Variants in PFKL observed in about 807,000 individuals in gnomAD.
PFKL encodes the protein ATP-dependent 6-phosphofructokinase, liver type.
In PFKL, 74 loss-of-function variants were observed where a neutral mutation model predicts 92.1. That is an observed-to-expected ratio of 0.80 (90% CI 0.67 to 0.97). The LOEUF (loss-of-function observed/expected upper bound fraction) is 0.97, where lower values mean the gene tolerates loss of function less well. Ranked by LOEUF, PFKL falls within the 50% of genes least tolerant of loss-of-function variation. PFKL has a pLI of 0.00. For synonymous variants in PFKL, 494 were observed against 456.4 expected, an observed-to-expected ratio of 1.08 and a Z score of -1.05; for missense variants, 1,028 against 1,116.6, an observed-to-expected ratio of 0.92 and a Z score of 1.13.
chr21:44,323,728 G>A (rs779721158), intron 15 of PFKL, 38 bp from the exon 16 acceptor site: 40 of 1,584,520 alleles, frequency 2.5e-5, no homozygotes, highest in African/African-American at 1.1e-4. Context: ...CCCTGGCCTC[G>A]GTGCTGCCCT....
chr21:44,323,879 C>T lies in PFKL; in HGVS notation c.1611C>T (p.Phe537=), dbSNP rs373085878. The part of the protein sequence containing the change: ...TISNNVPGTD[F]SLGSDTAVNA... ...GCAACAACGTCCCTGGCACCGACTT[C>T]AGCCTGGGCTCCGACACTGCTGTAA... The change falls in exon 16 of 22, where the codon TTC becomes TTT. Residue 537 remains phenylalanine (F), a synonymous_variant. Coordinates refer to ENST00000349048, the MANE Select transcript of PFKL (RefSeq NM_002626.6). 15 of 1,613,446 alleles carry T rather than the reference C, an allele frequency of 9.3e-6. No homozygotes were observed. The highest frequency in any genetic ancestry group is 3.3e-5 in the Admixed American group (2 of 60,006).
At chr21:44,316,218 T>C in intron 7 of PFKL, 26 bp from the exon 8 acceptor site, 1 of 1,608,486 alleles carries the variant, frequency 6.2e-7, no homozygotes, top group Non-Finnish European at 8.5e-7. Flanking sequence ...GCCTGGCAGC[T>C]GAGCCCTGTC....
Position 44,312,986 on chromosome 21 carries a change from T to C in PFKL, c.436T>C (p.Ser146Pro), listed in dbSNP as rs2047091345. ...TGCTGCTCCTGGCCCAGGTAAGATC[T>C]CAGAGACTACAGCCCGGACCTACTC... ...LEELVAEGKISETTARTYSHL... is the reference protein window; with the variant it reads ...LEELVAEGKIPETTARTYSHL... Residue 146 changes from serine to proline, a missense_variant, in exon 5 of 22, where the codon TCA (serine) becomes CCA (proline). Coordinates refer to ENST00000349048, the MANE Select transcript of PFKL (RefSeq NM_002626.6). The C allele has an allele frequency of 7.4e-6, 12 of 1,612,756 alleles. No homozygotes were observed. The highest frequency in any genetic ancestry group is 9.3e-6 in the Non-Finnish European group (11 of 1,179,788).
intron 1 of PFKL, among the ~76,000 whole-genome samples, chr21:44,301,525 C>T (rs1049550026): frequency 1.3e-5 from 2 of 152,160 alleles, no homozygotes; most frequent in African/African-American, 4.8e-5. Flanking sequence ...TGAAGCAGGC[C>T]GGGTGCGGTG....
At position 44,300,069 on chromosome 21, in the gene PFKL, C is replaced by A; in HGVS notation, c.-37C>A. On this transcript the variant is annotated 5_prime_UTR_variant, in exon 1 of 22. Transcript: ENST00000349048. Reference sequence around the variant, plus strand: ...GGGGACGGCGACGCGGCGCAGGCGGCGGGAGTGCGAGCTGGGCCCGTGTTT... The same window carrying A: ...GGGGACGGCGACGCGGCGCAGGCGGAGGGAGTGCGAGCTGGGCCCGTGTTT... 1 of 994,722 alleles carries A rather than the reference C, an allele frequency of 1.0e-6. No homozygotes were observed. Among genetic ancestry groups the A allele is most frequent in the Non-Finnish European group, 1.2e-6 (1 of 824,308 alleles). 61.6% of individuals were successfully genotyped at this position (994,722 alleles called of 1,614,324 possible).
chr21:44,319,588 G>A, intron 11 of PFKL, 173 bp downstream of exon 11: 1 of 633,616 alleles, frequency 1.6e-6, no homozygotes, highest in South Asian at 1.8e-5. Context: ...GCTGGGAGGT[G>A]TGGTACCACA....
At position 44,300,073 on chromosome 21, in the gene PFKL, A is replaced by T; in HGVS notation, c.-33A>T. On this transcript the variant is annotated 5_prime_UTR_variant, in exon 1 of 22. Transcript: ENST00000349048. ...ACGGCGACGCGGCGCAGGCGGCGGGAGTGCGAGCTGGGCCCGTGTTTCGGC... is the reference window on the plus strand; with the variant it reads ...ACGGCGACGCGGCGCAGGCGGCGGGTGTGCGAGCTGGGCCCGTGTTTCGGC... 9.9e-7 allele frequency: 1 copy of T among 1,009,498 alleles called. No individual in the cohort carries two copies. The highest frequency in any genetic ancestry group is 1.2e-6 in the Non-Finnish European group (1 of 835,392). The allele number at this position is 1,009,498 out of a possible 1,614,324, so 62.5% of individuals were successfully genotyped here.
rs2047140324 is a variant in PFKL, at chr21:44,314,320, G to A, written c.747+299G>A. 11 of 389,990 alleles carry A rather than the reference G, an allele frequency of 2.8e-5. No individual in the cohort carries two copies. In the South Asian group the frequency reaches 3.6e-4, roughly 13 times the overall value. The allele number at this position is 389,990 out of a possible 1,614,324, so 24.2% of individuals were successfully genotyped here. A position where few individuals can be genotyped will look rare whatever the true frequency, so the allele number is the denominator to read the frequency against. On this transcript the variant is annotated intron_variant, in intron 7 of 21. Transcript: ENST00000349048. ...GCTTGGTGAGGCTGCTTACTGGGGTGGGACTGCTGAGCCTGGGGCGGTGGG... is the reference window on the plus strand; with the variant it reads ...GCTTGGTGAGGCTGCTTACTGGGGTAGGACTGCTGAGCCTGGGGCGGTGGG...
In PFKL at chr21:44,326,818, G is replaced by C; in HGVS notation, c.2299G>C (p.Glu767Gln). Residue 767 changes from glutamate to glutamine, a missense_variant, in exon 22 of 22, where the codon GAG (glutamate) becomes CAG (glutamine). By Grantham distance (29) the Glu-to-Gln change is conservative. Transcript: ENST00000349048. ...GGCCGCCTACGTGTCAGGGGAGCTG[G>C]AGCACGTGACCCGCCGCACCCTGAG... The part of the protein sequence containing the change: ...SMAAYVSGEL[E>Q]HVTRRTLSMD... 1 of 1,605,052 alleles carries C rather than the reference G, an allele frequency of 6.2e-7. No individual in the cohort carries two copies. The highest frequency in any genetic ancestry group is 8.5e-7 in the Non-Finnish European group (1 of 1,175,872).
intron 1 of PFKL, among the ~76,000 whole-genome samples, chr21:44,301,422 C>T (rs2040770857): frequency 6.6e-6 from 1 of 151,328 alleles, no homozygotes; most frequent in African/African-American, 2.4e-5. Context: ...CACGCCTTTC[C>T]TGTGGGCCAG....
At chr21:44,317,008 G>C (rs1478893951) in intron 9 of PFKL, among the ~76,000 whole-genome samples, 1 of 152,198 alleles carries the variant, frequency 6.6e-6, no homozygotes, top group Admixed American at 6.5e-5. Flanking sequence ...GGCGCCTGTG[G>C]CGTCACAGTC....
In PFKL at chr21:44,319,353, C is replaced by T; in HGVS notation, c.1065C>T (p.Thr355=). 1 of 1,612,702 alleles carries T rather than the reference C, an allele frequency of 6.2e-7. No individual in the cohort carries two copies. Reference sequence around the variant, plus strand: ...GTGTTCTGTTTCTCTTCCTTAAGACCAAGGAAGTGCAGAAAGCCATGGATG... The same window carrying T: ...GTGTTCTGTTTCTCTTCCTTAAGACTAAGGAAGTGCAGAAAGCCATGGATG... ...RLPLMECVQM[T]KEVQKAMDDK... Residue 355 remains threonine, a splice_region_variant and synonymous_variant, in exon 11 of 22, where the codon ACC becomes ACT. Coordinates refer to ENST00000349048, the MANE Select transcript of PFKL (RefSeq NM_002626.6).
intron 21 of PFKL, 85 bp from the exon 22 acceptor site, chr21:44,326,630 G>C (rs886487117): frequency 6.5e-5 from 96 of 1,467,198 alleles, no homozygotes; most frequent in Non-Finnish European, 8.1e-5. Flanking sequence ...TGCAGGGTCG[G>C]GGGGGGTGGG....
chr21:44,313,528 G>A, intron 5 of PFKL, 110 bp from the exon 6 acceptor site: 2 of 1,034,712 alleles, frequency 1.9e-6, no homozygotes, highest in Admixed American at 2.1e-5. Flanking sequence ...AGAAGGGGCT[G>A]TCCCCTGCCT....
chr21:44,326,421 G>A (rs760036483), intron 21 of PFKL, among the ~76,000 whole-genome samples, 157 bp downstream of exon 21: 18 of 152,166 alleles, frequency 1.2e-4, no homozygotes, highest in Non-Finnish European at 2.4e-4. Context: ...GTGGAGAGCA[G>A]GGACCATGCC....
intron 1 of PFKL, among the ~76,000 whole-genome samples, chr21:44,301,050 G>T (rs951383370): frequency 6.6e-6 from 1 of 152,252 alleles, no homozygotes; most frequent in Non-Finnish European, 1.5e-5. Flanking sequence ...AGGCTGTGCA[G>T]CGGGGTCTGG....
chr21:44,325,013 G>C, intron 18 of PFKL, 96 bp downstream of exon 18: 2 of 1,305,994 alleles, frequency 1.5e-6, no homozygotes, highest in Admixed American at 2.0e-5. Context: ...GAAGGCAGGA[G>C]GGGTCCTTGG....
intron 1 of PFKL, 47 bp from the exon 2 acceptor site, chr21:44,306,634 C>T (rs1334653873): frequency 6.5e-7 from 1 of 1,544,832 alleles, no homozygotes. Flanking sequence ...GTGTCCAGGG[C>T]CTTGCTTCTC....
At chr21:44,305,392 G>C (rs763042947) in intron 1 of PFKL, 1 of 1,364,424 alleles carries the variant, frequency 7.3e-7, no homozygotes. Context: ...GGGAGCTGCC[G>C]AGGCTTGAGC....
Sources: allele counts gnomAD v4.1 joint callset (sites outside exome capture counted in the v4.1 genomes callset), GRCh38; gene constraint gnomAD v4.1.1; transcripts MANE v1.5; gene names NCBI Gene and HGNC (gene_info 2026-07-23, HGNC 2026-07-21).